Variants in UBXN11 observed in about 807,000 individuals in gnomAD.
The protein encoded by UBXN11 is UBX domain protein 11.
UBXN11 carries 47 observed loss-of-function variants against 62.8 expected under a neutral mutation model. That is an observed-to-expected ratio of 0.75 (90% CI 0.59 to 0.95). The LOEUF (loss-of-function observed/expected upper bound fraction) is 0.95, where lower values mean the gene tolerates loss of function less well. Ranked by LOEUF, UBXN11 falls within the 40% of genes least tolerant of loss-of-function variation. UBXN11 has a pLI of 0.00. For missense variants in UBXN11, 638 were observed against 661.7 expected (o/e 0.96, Z 0.39); for synonymous variants, 294 against 267.0 (o/e 1.10, Z -0.99).
At chr1:26,300,662 G>C (rs2073509138) in intron 4 of UBXN11, among the ~76,000 whole-genome samples, 1 of 152,138 alleles carries the variant, frequency 6.6e-6, no homozygotes, top group African/African-American at 2.4e-5. Context: ...CCTGAATCCT[G>C]AGCCCACTGA....
chr1:26,313,097 C>T (rs2073760093), intron 1 of UBXN11, among the ~76,000 whole-genome samples: 1 of 150,500 alleles, frequency 6.6e-6, no homozygotes, highest in African/African-American at 2.4e-5. Flanking sequence ...CTGTATGATG[C>T]TACTGAATCC....
intron 5 of UBXN11, among the ~76,000 whole-genome samples, 185 bp from the exon 6 acceptor site, chr1:26,297,666 C>T (rs891258299): frequency 3.3e-5 from 5 of 152,168 alleles, no homozygotes; most frequent in African/African-American, 4.8e-5. Context: ...GGGAGAGGTG[C>T]GGCCCACACC....
rs1047812523 is a variant in UBXN11, at chr1:26,284,178, C to A, written c.1041G>T (p.Val347=). Residue 347 remains valine (V), a synonymous_variant, in exon 12 of 15, where the codon GTG becomes GTT. Transcript: ENST00000374222. Reference sequence around the variant, plus strand: ...CCCTGATGGGGCCCCGGATGTCAATCACCTCGCCTTGCCGGATCACAAACT... The same window carrying A: ...CCCTGATGGGGCCCCGGATGTCAATAACCTCGCCTTGCCGGATCACAAACT... ...LPKFVIRQGE[V]IDIRGPIRDT... 5 of 1,612,922 alleles carry A rather than the reference C, an allele frequency of 3.1e-6. No individual in the cohort carries two copies. The highest frequency in any genetic ancestry group is 4.2e-6 in the Non-Finnish European group (5 of 1,179,436).
intron 8 of UBXN11, among the ~76,000 whole-genome samples, chr1:26,286,423 G>A (rs1328640746): frequency 6.6e-6 from 1 of 152,228 alleles, no homozygotes; most frequent in Non-Finnish European, 1.5e-5. Context: ...AAAGTACAGG[G>A]CAGAGCTCCC....
At chr1:26,293,552 C>A (rs952111931) in intron 8 of UBXN11, among the ~76,000 whole-genome samples, 1 of 151,730 alleles carries the variant, frequency 6.6e-6, no homozygotes, top group Non-Finnish European at 1.5e-5. Context: ...ATGGTAAAAC[C>A]CCGTCTTTAC....
intron 1 of UBXN11, among the ~76,000 whole-genome samples, chr1:26,315,302 G>A (rs935324156): frequency 2.0e-5 from 3 of 152,184 alleles, no homozygotes; most frequent in Non-Finnish European, 4.4e-5. Flanking sequence ...CCCCAGGCTC[G>A]TCCTGTCTGG....
chr1:26,302,698 A>G, intron 2 of UBXN11, 115 bp downstream of exon 2: 1 of 1,137,606 alleles, frequency 8.8e-7, no homozygotes, highest in Middle Eastern at 2.2e-4. Flanking sequence ...AGGGAAGGCT[A>G]TGTGGCCCTT....
intron 5 of UBXN11, 111 bp from the exon 6 acceptor site, chr1:26,297,592 T>C: frequency 7.7e-7 from 1 of 1,292,652 alleles, no homozygotes; most frequent in South Asian, 1.6e-5. Flanking sequence ...AGCAAGCCCC[T>C]GCCACCCTTT....
At chr1:26,289,757 G>A (rs1219760381) in intron 8 of UBXN11, among the ~76,000 whole-genome samples, 1 of 152,220 alleles carries the variant, frequency 6.6e-6, no homozygotes, top group Non-Finnish European at 1.5e-5. Context: ...ACCATGCTCA[G>A]TGGAGAGGTG....
In UBXN11 at chr1:26,313,468, T is replaced by C. The variant is rs376532534; in HGVS notation, c.-149+4579A>G. 4.2e-4 allele frequency among the ~76,000 whole-genome samples: 64 copies of C among 152,292 alleles called. 1 individual carries two copies. The highest frequency in any genetic ancestry group is 1.5e-3 in the African/African-American group (62 of 41,556). Reference sequence around the variant, plus strand: ...TACCCCCTTGATTTCCTGATGCCATTTGTGAACATCTGAAATTACCATTGT... The same window carrying C: ...TACCCCCTTGATTTCCTGATGCCATCTGTGAACATCTGAAATTACCATTGT... On this transcript the variant is annotated intron_variant, in intron 1 of 14. Transcript: ENST00000374217.
upstream of UBXN11, among the ~76,000 whole-genome samples, chr1:26,310,280 G>T (rs6598959): frequency 0.15 from 22,138 of 152,014 alleles, 1,808 homozygotes; most frequent in African/African-American, 0.21. Flanking sequence ...GCTCATGCCT[G>T]TAATCCCAGC....
chr1:26,297,901 C>A, intron 5 of UBXN11, 61 bp downstream of exon 5: 1 of 1,566,848 alleles, frequency 6.4e-7, no homozygotes, highest in Non-Finnish European at 8.7e-7. Flanking sequence ...TCCTGGCCTC[C>A]CCAGCCCAGT....
At chr1:26,293,859 T>C (rs1200484472) in intron 8 of UBXN11, among the ~76,000 whole-genome samples, 3 of 151,330 alleles carry the variant, frequency 2.0e-5, no homozygotes, top group South Asian at 2.1e-4. Flanking sequence ...AACAGAAGGA[T>C]TGCCTTTTTT....
At chr1:26,315,784 C>A (rs529667133) in intron 1 of UBXN11, among the ~76,000 whole-genome samples, 1 of 152,152 alleles carries the variant, frequency 6.6e-6, no homozygotes, top group Non-Finnish European at 1.5e-5. Flanking sequence ...CTCAGCCTCC[C>A]GAGTAGCTGG....
intron 3 of UBXN11, 24 bp downstream of exon 3, chr1:26,301,670 G>A (rs751910108): frequency 3.1e-6 from 5 of 1,613,286 alleles, no homozygotes; most frequent in Middle Eastern, 1.6e-4. Flanking sequence ...AGGCGAAGAG[G>A]GCACGAGGGC....
chr1:26,283,124 C>T (rs2073041959), intron 12 of UBXN11, among the ~76,000 whole-genome samples, 187 bp from the exon 13 acceptor site: 1 of 151,962 alleles, frequency 6.6e-6, no homozygotes, highest in Non-Finnish European at 1.5e-5. Context: ...GGGAGGCAGC[C>T]CCATGGTTCC....
At chr1:26,302,362 TAAAAAAAAAAAAAAAAA>T (rs56003085) in intron 2 of UBXN11, among the ~76,000 whole-genome samples, 1 of 69,530 alleles carries the variant, frequency 1.4e-5, no homozygotes, top group African/African-American at 5.7e-5. Flanking sequence ...ACTTGGTCTT[TAAAAAAAAAAAAAAAAA>T]AAAAAAAAAA....
intron 8 of UBXN11, among the ~76,000 whole-genome samples, chr1:26,289,808 C>T (rs1489066235): frequency 1.3e-5 from 2 of 152,240 alleles, no homozygotes; most frequent in Non-Finnish European, 2.9e-5. Context: ...ACCCCGGCAG[C>T]TCACGCGGTG....
chr1:26,307,917 G>A (rs1262249206), upstream of UBXN11, among the ~76,000 whole-genome samples: 1 of 151,986 alleles, frequency 6.6e-6, no homozygotes, highest in Non-Finnish European at 1.5e-5. Context: ...TATGCAAATT[G>A]GAAGCTAAAG....
Sources: allele counts gnomAD v4.1 joint callset (sites outside exome capture counted in the v4.1 genomes callset), GRCh38; gene constraint gnomAD v4.1.1; transcripts MANE v1.5; gene names NCBI Gene and HGNC (gene_info 2026-07-23, HGNC 2026-07-21).